SUGCT: variants seen among roughly 807,000 people sequenced by gnomAD.
SUGCT encodes the protein succinyl-CoA:glutarate CoA-transferase.
SUGCT carries 41 observed loss-of-function variants against 55.0 expected under a neutral mutation model. The ratio of observed to expected loss-of-function variants is 0.74; its 90% CI spans 0.58 to 0.97. The LOEUF is 0.97. Ranked by LOEUF, SUGCT falls within the 50% of genes least tolerant of loss-of-function variation. The pLI, the probability that SUGCT is intolerant of heterozygous loss-of-function variation, is 0.00. For missense variants in SUGCT, 568 were observed against 547.8 expected (o/e 1.04, Z -0.37); for synonymous variants, 187 against 200.4 (o/e 0.93, Z 0.56).
At chr7:40,765,809 C>A (rs1788755975) in intron 13 of SUGCT, among the ~76,000 whole-genome samples, 1 of 152,162 alleles carries the variant, frequency 6.6e-6, no homozygotes, top group Admixed American at 6.5e-5. Context: ...CTAAATCTTT[C>A]ACCCAGTCAA....
chr7:40,492,227 A>T (rs1791723259), intron 11 of SUGCT, among the ~76,000 whole-genome samples: 1 of 152,182 alleles, frequency 6.6e-6, no homozygotes, highest in African/African-American at 2.4e-5. Flanking sequence ...GGTGGATTGA[A>T]AACAGATATA....
chr7:40,187,014 A>G (rs1445970236), intron 3 of SUGCT, among the ~76,000 whole-genome samples: 1 of 152,248 alleles, frequency 6.6e-6, no homozygotes, highest in Non-Finnish European at 1.5e-5. Flanking sequence ...TGTTCACAAT[A>G]GCAAAGACTT....
At chr7:40,468,761 A>T (rs1790258546) in intron 11 of SUGCT, among the ~76,000 whole-genome samples, 1 of 152,164 alleles carries the variant, frequency 6.6e-6, no homozygotes, top group Non-Finnish European at 1.5e-5. Context: ...TATACTCTTA[A>T]GTTTCAAACA....
rs182924582 is a variant in SUGCT, at chr7:40,463,138, T to G, written c.986+3940T>G. On this transcript the variant is annotated intron_variant, in intron 11 of 13. Coordinates refer to ENST00000335693, the MANE Select transcript of SUGCT (RefSeq NM_001193313.2). Reference sequence around the variant, plus strand: ...CTGTTAAACCTTACATCGCAGGCACTTTCCTTTAATACTTATAGACACTTT... The same window carrying G: ...CTGTTAAACCTTACATCGCAGGCACGTTCCTTTAATACTTATAGACACTTT... Among the ~76,000 whole-genome samples, 10 of 152,334 alleles carry G rather than the reference T, an allele frequency of 6.6e-5. 1 individual carries two copies. The highest frequency in any genetic ancestry group is 1.2e-4 in the Non-Finnish European group (8 of 68,020).
At chr7:40,836,040 A>AGC (rs2128783295) in intron 13 of SUGCT, among the ~76,000 whole-genome samples, 1 of 151,006 alleles carries the variant, frequency 6.6e-6, no homozygotes, top group South Asian at 2.1e-4. Flanking sequence ...CTACAGGTTT[A>AGC]TGTCACTATG....
Position 40,575,126 on chromosome 7 carries a change from G to GGGC in SUGCT, c.1089+78742_1089+78743insCGG, listed in dbSNP as rs1554372715. On this transcript the variant is annotated intron_variant, in intron 12 of 13. Coordinates refer to ENST00000335693, the MANE Select transcript of SUGCT (RefSeq NM_001193313.2). ...TGGTGGGCAGGAGGGTGGCGGGGGT[G>GGGC]GGGGTGGAGATGGGTGAAGTTTTGG... 8.9e-4 allele frequency among the ~76,000 whole-genome samples: 125 copies of GGGC among 139,804 alleles called. 1 individual carries two copies. The highest frequency in any genetic ancestry group is 1.4e-3 in the Non-Finnish European group (95 of 67,096). 91.7% of individuals were successfully genotyped at this position (139,804 alleles called of 152,430 possible). A position where few individuals can be genotyped will look rare whatever the true frequency, so the allele number is the denominator to read the frequency against.
chr7:40,614,544 A>G (rs879450527), intron 12 of SUGCT, among the ~76,000 whole-genome samples: 2 of 152,190 alleles, frequency 1.3e-5, no homozygotes, highest in African/African-American at 4.8e-5. Flanking sequence ...TATAGATGGA[A>G]ATAGGGAAAG....
At chr7:40,199,644 A>G (rs1226639348) in intron 6 of SUGCT, among the ~76,000 whole-genome samples, 1 of 152,186 alleles carries the variant, frequency 6.6e-6, no homozygotes, top group Non-Finnish European at 1.5e-5. Flanking sequence ...TAGCAGTAGG[A>G]ATCCTCGCCA....
At chr7:40,851,728 A>C (rs1793863581) in intron 13 of SUGCT, among the ~76,000 whole-genome samples, 1 of 152,244 alleles carries the variant, frequency 6.6e-6, no homozygotes, top group Non-Finnish European at 1.5e-5. Flanking sequence ...CATGAAGTCC[A>C]TAGATATTTG....
At chr7:40,374,423 T>A (rs759059771) in intron 9 of SUGCT, among the ~76,000 whole-genome samples, 1 of 152,144 alleles carries the variant, frequency 6.6e-6, no homozygotes, top group Non-Finnish European at 1.5e-5. Context: ...GCGTTCAAGC[T>A]CCACTTTCCA....
intron 7 of SUGCT, among the ~76,000 whole-genome samples, chr7:40,252,306 T>C (rs536774982): frequency 6.6e-6 from 1 of 152,150 alleles, no homozygotes; most frequent in East Asian, 1.9e-4. Flanking sequence ...TTTTGTTAGC[T>C]AGGAGTTTCA....
At chr7:40,195,182 C>G (rs1237047681) in intron 6 of SUGCT, 122 bp downstream of exon 6, 2 of 1,133,166 alleles carry the variant, frequency 1.8e-6, no homozygotes, top group African/African-American at 3.2e-5. Context: ...TTCCTTTTTC[C>G]AAGGCCGTTT....
the SUGCT span, among the ~76,000 whole-genome samples, chr7:40,999,724 G>A: frequency 6.6e-6 from 1 of 152,278 alleles, no homozygotes; most frequent in East Asian, 1.9e-4. Flanking sequence ...GAGAGAGCAA[G>A]GCCTCCAGTA....
chr7:40,960,941 G>A, the SUGCT span, among the ~76,000 whole-genome samples: 3 of 152,194 alleles, frequency 2.0e-5, no homozygotes, highest in African/African-American at 4.8e-5. Flanking sequence ...AATTGAGCAG[G>A]AAAGTCTGAA....
chr7:40,326,776 C>A (rs528876621), intron 9 of SUGCT, among the ~76,000 whole-genome samples: 2 of 152,154 alleles, frequency 1.3e-5, no homozygotes, highest in East Asian at 3.9e-4. Context: ...ACAAAAGGAA[C>A]CATGACAAAA....
intron 12 of SUGCT, among the ~76,000 whole-genome samples, chr7:40,726,042 G>A (rs1236785892): frequency 2.0e-5 from 3 of 152,108 alleles, no homozygotes; most frequent in Admixed American, 1.3e-4. Context: ...GCCCCAAGTC[G>A]GGAAATGATC....
intron 7 of SUGCT, among the ~76,000 whole-genome samples, chr7:40,256,597 G>C (rs930098562): frequency 4.6e-5 from 7 of 152,136 alleles, no homozygotes; most frequent in South Asian, 2.1e-4. Context: ...TTTTTGGGGA[G>C]AGAAAGATTC....
At chr7:40,716,333 T>G (rs1786020834) in intron 12 of SUGCT, among the ~76,000 whole-genome samples, 1 of 152,216 alleles carries the variant, frequency 6.6e-6, no homozygotes, top group Non-Finnish European at 1.5e-5. Flanking sequence ...ATAATGTGAC[T>G]GAGCAGTAAT....
At chr7:40,347,982 T>G (rs2151191698) in intron 9 of SUGCT, among the ~76,000 whole-genome samples, 1 of 152,370 alleles carries the variant, frequency 6.6e-6, no homozygotes, top group East Asian at 1.9e-4. Flanking sequence ...TTTATAAGCA[T>G]ATCACTTGGT....
Sources: gnomAD v4.1 joint callset for allele counts (sites outside exome capture counted in the v4.1 genomes callset) on GRCh38, gnomAD v4.1.1 for gene constraint, MANE v1.5 for transcripts, NCBI Gene and HGNC (gene_info 2026-07-23, HGNC 2026-07-21) for gene names.